VPS35L: variants seen among roughly 807,000 people sequenced by gnomAD.
The protein encoded by VPS35L is VPS35 endosomal protein sorting factor like, also known as VPS35 endosomal protein-sorting factor-like.
Under a neutral mutation model 133.0 loss-of-function variants are expected in VPS35L, and 83 were observed. That is an observed-to-expected ratio of 0.62 (90% CI 0.52 to 0.75). VPS35L has a LOEUF of 0.75. VPS35L is among the 30% of genes least tolerant of loss of function. VPS35L has a pLI of 0.00. For synonymous variants in VPS35L, 423 were observed against 449.9 expected (o/e 0.94, Z 0.76); for missense variants, 1,083 against 1,206.8 (o/e 0.90, Z 1.52).
At chr16:19,566,238 G>A (rs1456891713) in intron 2 of VPS35L, among the ~76,000 whole-genome samples, 2 of 152,156 alleles carry the variant, frequency 1.3e-5, no homozygotes, top group South Asian at 4.1e-4. Flanking sequence ...CCTCACACCC[G>A]TAATTTCAGC....
chr16:19,673,362 G>A (rs112664216), intron 27 of VPS35L, among the ~76,000 whole-genome samples: 4,072 of 152,262 alleles, frequency 0.027, 186 homozygotes, highest in African/African-American at 0.091. Flanking sequence ...CGCATCCTGC[G>A]ACCTGGCCAG....
rs796810841 is a variant in VPS35L at position 19,604,620 on chromosome 16, T to G, written c.784+2897T>G. On this transcript the variant is annotated intron_variant, in intron 9 of 30. Coordinates refer to ENST00000417362, the MANE Select transcript of VPS35L (RefSeq NM_020314.7). ...TTATGTTTTTCAAAGTTGTTGGTGATCTGAGGAATGACTCTTAAGTATAAT... is the reference window on the plus strand; with the variant it reads ...TTATGTTTTTCAAAGTTGTTGGTGAGCTGAGGAATGACTCTTAAGTATAAT... Among the ~76,000 whole-genome samples the G allele has an allele frequency of 2.6e-5, 4 of 152,220 alleles. No individual in the cohort carries two copies. In the East Asian group the frequency reaches 7.7e-4, roughly 29 times the overall value.
chr16:19,700,600 A>AT lies in VPS35L; in HGVS notation c.*126dup. On this transcript the variant is annotated 3_prime_UTR_variant, in exon 31 of 31. Transcript: ENST00000417362. ...TTCTTTTCTTTTTACATATGTACAA[A>AT]TTGTTTTAAGCTTTGGCCTCTATCC... 1.2e-6 allele frequency: 1 copy of AT among 800,986 alleles called. No individual in the cohort carries two copies. The highest frequency in any genetic ancestry group is 2.0e-6 in the Non-Finnish European group (1 of 497,342). The allele number at this position is 800,986 out of a possible 1,614,324, so 49.6% of individuals were successfully genotyped here.
chr16:19,679,156 C>CG (rs1229593116), intron 27 of VPS35L, among the ~76,000 whole-genome samples: 24 of 1,306 alleles, frequency 0.018, no homozygotes, highest in Admixed American at 0.033. Context: ...GGTGGGGAGG[C>CG]GGGGGGGCGG....
intron 30 of VPS35L, 61 bp from the exon 31 acceptor site, chr16:19,700,317 G>C (rs1223168867): frequency 7.1e-7 from 1 of 1,414,302 alleles, no homozygotes. Flanking sequence ...TGATTCATTA[G>C]AGCCTTGGGC....
rs367934184 is a variant in VPS35L, at chr16:19,650,972, A to G, written c.2106+513A>G. 2.0e-5 allele frequency among the ~76,000 whole-genome samples: 3 copies of G among 148,670 alleles called. No homozygotes were observed. The East Asian group carries it at 6.2e-4, about 31-fold the overall frequency. ...CGGCTCACTGCAACCTCCGCCTCCC[A>G]AGTTCAAGCGATTCTCCTACCTCAA... On this transcript the variant is annotated intron_variant, in intron 25 of 30. Transcript: ENST00000417362.
Position 19,560,150 on chromosome 16 carries a change from A to G in VPS35L, c.17+4404A>G, listed in dbSNP as rs186786061. On this transcript the variant is annotated intron_variant, in intron 1 of 30. Transcript: ENST00000417362. ...CTATGGAACTACTGAATCTGATTCT[A>G]TTGTTGCTCTCACTTTCGACAAGTT... Among the ~76,000 whole-genome samples, 53 of 152,318 alleles carry G rather than the reference A, an allele frequency of 3.5e-4. No homozygotes were observed. In the East Asian group the frequency reaches 8.7e-3, roughly 25 times the overall value.
intron 3 of VPS35L, among the ~76,000 whole-genome samples, chr16:19,572,909 A>G (rs111520755): frequency 2.6e-5 from 4 of 152,198 alleles, no homozygotes; most frequent in African/African-American, 9.6e-5. Context: ...CCCCGCCCTT[A>G]AGTGATCCGT....
At chr16:19,566,857 C>G (rs868016577) in intron 2 of VPS35L, among the ~76,000 whole-genome samples, 2 of 151,946 alleles carry the variant, frequency 1.3e-5, no homozygotes, top group South Asian at 2.1e-4. Flanking sequence ...TCAAGTGATT[C>G]TCCTGCTTCA....
chr16:19,660,345 A>C (rs1490286699), intron 26 of VPS35L, among the ~76,000 whole-genome samples: 1 of 151,884 alleles, frequency 6.6e-6, no homozygotes, highest in African/African-American at 2.4e-5. Flanking sequence ...AAAAAAATAA[A>C]GAAGAAATAA....
At chr16:19,645,353 G>A (rs1285091605) in intron 23 of VPS35L, among the ~76,000 whole-genome samples, 2 of 149,788 alleles carry the variant, frequency 1.3e-5, no homozygotes, top group African/African-American at 4.9e-5. Context: ...GCAGTGGCGC[G>A]ATCTCAGCTC....
chr16:19,591,935 G>A (rs1464068560), intron 8 of VPS35L, 61 bp downstream of exon 8: 1 of 1,313,286 alleles, frequency 7.6e-7, no homozygotes, highest in Non-Finnish European at 1.1e-6. Context: ...CAAGAATTGG[G>A]TGGTAGAGTT....
intron 12 of VPS35L, among the ~76,000 whole-genome samples, chr16:19,613,872 G>C (rs148955088): frequency 3.9e-5 from 6 of 152,182 alleles, no homozygotes; most frequent in East Asian, 1.9e-4. Flanking sequence ...CCAGCAATGG[G>C]GGGGATGAAT....
intron 3 of VPS35L, among the ~76,000 whole-genome samples, chr16:19,571,270 G>T (rs905545704): frequency 6.6e-6 from 1 of 152,102 alleles, no homozygotes; most frequent in Non-Finnish European, 1.5e-5. Context: ...AGGCTGGACT[G>T]CAGTGGCATG....
chr16:19,676,712 G>A (rs1168759553), intron 27 of VPS35L, among the ~76,000 whole-genome samples: 1 of 152,146 alleles, frequency 6.6e-6, no homozygotes, highest in African/African-American at 2.4e-5. Flanking sequence ...AGTTGTCCAG[G>A]TCTATGTTTC....
At chr16:19,565,095 C>G (rs1971147411) in intron 2 of VPS35L, 145 bp downstream of exon 2, 1 of 574,868 alleles carries the variant, frequency 1.7e-6, no homozygotes, top group Admixed American at 3.1e-5. Context: ...GCTCTGTCGC[C>G]CAGGCTGGAG....
chr16:19,598,773 G>C (rs962817256), intron 8 of VPS35L, among the ~76,000 whole-genome samples: 2 of 145,570 alleles, frequency 1.4e-5, no homozygotes, highest in African/African-American at 5.1e-5. Flanking sequence ...GACAGAGCAA[G>C]ATTCTGTCTC....
chr16:19,680,461 C>T (rs1423592058), intron 27 of VPS35L, among the ~76,000 whole-genome samples: 2 of 152,082 alleles, frequency 1.3e-5, no homozygotes, highest in East Asian at 1.9e-4. Flanking sequence ...GCAGACCTGG[C>T]GGTGTATTGG....
chr16:19,618,895 C>T lies in VPS35L; in HGVS notation c.1224+2087C>T, dbSNP rs571435714. The stretch of plus-strand genomic sequence containing the variant: ...ACTGGAGTGTGAGATTTGGGGCCAG[C>T]GTAACTTATTTTTCTTTGCCTATCT... On this transcript the variant is annotated intron_variant, in intron 14 of 30. Transcript: ENST00000417362. Among the ~76,000 whole-genome samples the T allele has an allele frequency of 1.7e-4, 25 of 150,624 alleles. No individual in the cohort carries two copies. The South Asian group carries it at 3.4e-3, about 20-fold the overall frequency.
Sources: allele counts gnomAD v4.1 joint callset (sites outside exome capture counted in the v4.1 genomes callset), GRCh38; gene constraint gnomAD v4.1.1; transcripts MANE v1.5; gene names NCBI Gene and HGNC (gene_info 2026-07-23, HGNC 2026-07-21).